Variants in SHQ1 observed in about 807,000 individuals in gnomAD.
The protein encoded by SHQ1 is SHQ1, H/ACA ribonucleoprotein assembly factor, also known as protein SHQ1 homolog.
Under a neutral mutation model 53.8 loss-of-function variants are expected in SHQ1, and 49 were observed. The ratio of observed to expected loss-of-function variants is 0.91; its 90% CI spans 0.72 to 1.16. The LOEUF is 1.16. Among genes scored for constraint, SHQ1 ranks in the 50% most tolerant of loss-of-function variants. SHQ1 has a pLI of 0.00. For missense variants in SHQ1, 738 were observed against 683.1 expected, an observed-to-expected ratio of 1.08 and a Z score of -0.90; for synonymous variants, 243 against 251.0, an observed-to-expected ratio of 0.97 and a Z score of 0.30.
chr3:72,792,054 T>C (rs1325215420), intron 10 of SHQ1, among the ~76,000 whole-genome samples: 2 of 152,262 alleles, frequency 1.3e-5, no homozygotes, highest in African/African-American at 4.8e-5. Context: ...AGCTCATTTG[T>C]GAGTGTTCAG....
rs200430847 is a variant in SHQ1 at position 72,813,422 on chromosome 3, C to T, written c.937-628G>A. Among the ~76,000 whole-genome samples, 7 of 143,680 alleles carry T rather than the reference C, an allele frequency of 4.9e-5. No individual in the cohort carries two copies. The East Asian group carries it at 1.3e-3, about 26-fold the overall frequency. The allele number at this position is 143,680 out of a possible 152,430, so 94.3% of individuals were successfully genotyped here. A position where few individuals can be genotyped will look rare whatever the true frequency, so the allele number is the denominator to read the frequency against. ...CAGAGGCTGCAGTGAGTCAAGATGGCGCTACTGCACTCCAGCCTGGACAAT... is the reference window on the plus strand; with the variant it reads ...CAGAGGCTGCAGTGAGTCAAGATGGTGCTACTGCACTCCAGCCTGGACAAT... On this transcript the variant is annotated intron_variant, in intron 8 of 10. Transcript: ENST00000325599.
intron 5 of SHQ1, among the ~76,000 whole-genome samples, chr3:72,825,114 T>C (rs1707609043): frequency 6.6e-6 from 1 of 152,070 alleles, no homozygotes; most frequent in African/African-American, 2.4e-5. Context: ...CTGATCTCTT[T>C]AAATAGAAGG....
intron 10 of SHQ1, among the ~76,000 whole-genome samples, chr3:72,790,372 T>C (rs1015980902): frequency 6.6e-6 from 1 of 152,370 alleles, no homozygotes; most frequent in East Asian, 1.9e-4. Flanking sequence ...AATGCTGTTT[T>C]TGTGCTAGTC....
chr3:72,741,352 A>G, the SHQ1 span, among the ~76,000 whole-genome samples: 2 of 152,144 alleles, frequency 1.3e-5, no homozygotes, highest in East Asian at 3.9e-4. Context: ...TTGGGAGGCC[A>G]AGGCAGGTGG....
intron 4 of SHQ1, among the ~76,000 whole-genome samples, chr3:72,840,187 G>A (rs181338480): frequency 2.8e-5 from 4 of 143,704 alleles, no homozygotes; most frequent in Admixed American, 6.9e-5. Flanking sequence ...GGGAGGCAGA[G>A]GTTGCAGTGA....
intron 7 of SHQ1, among the ~76,000 whole-genome samples, chr3:72,815,632 A>G (rs959577998): frequency 5.3e-5 from 8 of 152,210 alleles, no homozygotes; most frequent in African/African-American, 1.7e-4. Context: ...TCTACTGATA[A>G]GAGTACCAGA....
intron 10 of SHQ1, among the ~76,000 whole-genome samples, chr3:72,779,361 T>G (rs1706025803): frequency 6.6e-6 from 1 of 152,232 alleles, no homozygotes; most frequent in South Asian, 2.1e-4. Context: ...ACTTCAGTAC[T>G]CAAACCAAAC....
intron 10 of SHQ1, among the ~76,000 whole-genome samples, chr3:72,759,613 C>T (rs2106715626): frequency 6.6e-6 from 1 of 152,266 alleles, no homozygotes; most frequent in South Asian, 2.1e-4. Context: ...ATCACTTGTA[C>T]CTGGGAGGCG....
intron 10 of SHQ1, among the ~76,000 whole-genome samples, chr3:72,759,458 A>G (rs1705567079): frequency 1.3e-5 from 2 of 152,208 alleles, no homozygotes; most frequent in African/African-American, 4.8e-5. Flanking sequence ...TGGGAGGCCA[A>G]GGTGGGCGGA....
At chr3:72,744,186 C>G in the SHQ1 span, among the ~76,000 whole-genome samples, 1 of 152,188 alleles carries the variant, frequency 6.6e-6, no homozygotes, top group Admixed American at 6.5e-5. Flanking sequence ...GCCGGGCTCA[C>G]AAGTCTTAGC....
Position 72,749,414 on chromosome 3 carries a change from C to T in SHQ1, c.*870G>A, listed in dbSNP as rs929798063. Reference sequence around the variant, plus strand: ...AATGAAAAACATAAAAACAAAAACTCGTGACACATGCTACCACATGGATGA... The same window carrying T: ...AATGAAAAACATAAAAACAAAAACTTGTGACACATGCTACCACATGGATGA... On this transcript the variant is annotated 3_prime_UTR_variant, in exon 11 of 11. Transcript: ENST00000325599. 4 of 223,296 alleles carry T rather than the reference C, an allele frequency of 1.8e-5. No homozygotes were observed. The highest frequency in any genetic ancestry group is 8.9e-5 in the African/African-American group (4 of 44,760). 13.8% of individuals were successfully genotyped at this position (223,296 alleles called of 1,614,324 possible). A position where few individuals can be genotyped will look rare whatever the true frequency, so the allele number is the denominator to read the frequency against.
intron 10 of SHQ1, among the ~76,000 whole-genome samples, chr3:72,759,497 C>CCTGG (rs1411308262): frequency 6.6e-6 from 1 of 152,060 alleles, no homozygotes; most frequent in African/African-American, 2.4e-5. Flanking sequence ...TCGAGACCAG[C>CCTGG]CTGGCCAACA....
chr3:72,812,697 C>T lies in SHQ1; in HGVS notation c.1034G>A (p.Arg345Lys). ...CAGTTGCAATATCTTTATAGTGTCCCTGTAGGCCTTCATCACCAGCTTGAA... is the reference window on the plus strand; with the variant it reads ...CAGTTGCAATATCTTTATAGTGTCCTTGTAGGCCTTCATCACCAGCTTGAA... ...RHFKLVMKAY[R>K]DTIKILQLGK... Residue 345 changes from arginine (R) to lysine (K), a missense_variant, in exon 9 of 11, where the codon AGG becomes AAG. By Grantham distance (26) the Arg-to-Lys change is conservative. Transcript: ENST00000325599. 6.2e-7 allele frequency: 1 copy of T among 1,614,030 alleles called. No individual in the cohort carries two copies.
intron 10 of SHQ1, among the ~76,000 whole-genome samples, chr3:72,780,128 C>T (rs187687575): frequency 1.2e-4 from 18 of 152,252 alleles, no homozygotes; most frequent in Non-Finnish European, 2.2e-4. Context: ...ACTTACCAGG[C>T]AAAATTTCTG....
intron 10 of SHQ1, chr3:72,773,194 G>C (rs1466580391): frequency 1.4e-6 from 1 of 728,254 alleles, no homozygotes; most frequent in African/African-American, 1.7e-5. Context: ...GTTTTCAGGA[G>C]CAAGTAGAAC....
At chr3:72,732,091 C>T in the SHQ1 span, among the ~76,000 whole-genome samples, 1 of 151,534 alleles carries the variant, frequency 6.6e-6, no homozygotes, top group Non-Finnish European at 1.5e-5. Context: ...TGTTTTCATG[C>T]CACTTCAAGG....
chr3:72,816,666 T>C (rs1707328667), intron 7 of SHQ1, among the ~76,000 whole-genome samples: 1 of 152,182 alleles, frequency 6.6e-6, no homozygotes, highest in African/African-American at 2.4e-5. Flanking sequence ...ACAAAAGGAT[T>C]TACTTTTATA....
chr3:72,848,172 C>G, intron 1 of SHQ1, 26 bp downstream of exon 1: 1 of 1,614,046 alleles, frequency 6.2e-7, no homozygotes, highest in Non-Finnish European at 8.5e-7. Flanking sequence ...ATGCGCCTTT[C>G]CTGCGGCCAG....
At chr3:72,843,451 T>TTTAGGCTTCCCTGGGAAC (rs1708238938) in intron 2 of SHQ1, among the ~76,000 whole-genome samples, 1 of 152,230 alleles carries the variant, frequency 6.6e-6, no homozygotes, top group African/African-American at 2.4e-5. Context: ...ATCTATCTTA[T>TTTAGGCTTCCCTGGGAAC]TTAGGCTTCC....
Sources: allele counts gnomAD v4.1 joint callset (sites outside exome capture counted in the v4.1 genomes callset), GRCh38; gene constraint gnomAD v4.1.1; transcripts MANE v1.5; gene names NCBI Gene and HGNC (gene_info 2026-07-23, HGNC 2026-07-21).